Variants in PINX1 observed in about 807,000 individuals in gnomAD.
PINX1 encodes the protein PIN2/TERF1-interacting telomerase inhibitor 1.
Under a neutral mutation model 25.4 loss-of-function variants are expected in PINX1, and 34 were observed. The ratio of observed to expected loss-of-function variants is 1.34; its 90% confidence interval spans 1.02 to 1.78. The LOEUF is 1.78. PINX1 is among the 40% of genes most tolerant of loss of function. The pLI is 0.00. For synonymous variants in PINX1, 197 were observed against 147.7 expected (o/e 1.33, Z -2.42); for missense variants, 592 against 404.9 (o/e 1.46, Z -3.97).
At chr8:10,782,039 C>A (rs563868393) in intron 6 of PINX1, among the ~76,000 whole-genome samples, 1 of 151,608 alleles carries the variant, frequency 6.6e-6, no homozygotes, top group East Asian at 1.9e-4. Context: ...CCATTTGCCA[C>A]GACATGGATG....
intron 6 of PINX1, among the ~76,000 whole-genome samples, chr8:10,799,737 C>T (rs1802206560): frequency 6.6e-6 from 1 of 152,140 alleles, no homozygotes. Context: ...GACACAGGGC[C>T]ATTAGGTAAG....
At chr8:10,816,994 T>A (rs983806995) in intron 6 of PINX1, among the ~76,000 whole-genome samples, 2 of 152,190 alleles carry the variant, frequency 1.3e-5, no homozygotes, top group Non-Finnish European at 2.9e-5. Flanking sequence ...ACACAGGTGC[T>A]TAATAAAATT....
chr8:10,767,179 T>C (rs1421696130), intron 6 of PINX1, among the ~76,000 whole-genome samples: 2 of 152,210 alleles, frequency 1.3e-5, no homozygotes, highest in Non-Finnish European at 2.9e-5. Flanking sequence ...ATTCTACTAA[T>C]GATCCTAAAC....
chr8:10,784,755 C>G (rs1445535700), intron 6 of PINX1, among the ~76,000 whole-genome samples: 2 of 152,194 alleles, frequency 1.3e-5, no homozygotes, highest in African/African-American at 4.8e-5. Context: ...GGAGCCTGGA[C>G]TAAAGTTAGG....
At chr8:10,769,308 A>G (rs1364208348) in intron 6 of PINX1, among the ~76,000 whole-genome samples, 1 of 152,220 alleles carries the variant, frequency 6.6e-6, no homozygotes, top group Admixed American at 6.5e-5. Flanking sequence ...GGACTGGCCT[A>G]GTCTGTTCAC....
chr8:10,773,497 T>C (rs1801294378), intron 6 of PINX1, among the ~76,000 whole-genome samples: 1 of 152,130 alleles, frequency 6.6e-6, no homozygotes, highest in Non-Finnish European at 1.5e-5. Flanking sequence ...AGAACTCCGC[T>C]TGGAAGTTAC....
intron 5 of PINX1, 124 bp from the exon 6 acceptor site, chr8:10,820,393 T>C (rs529170108): frequency 1.4e-5 from 10 of 714,246 alleles, no homozygotes; most frequent in African/African-American, 1.2e-4. Context: ...ATTTTGAAAC[T>C]ACTGACTTTC....
At chr8:10,825,528 A>C in intron 5 of PINX1, 1 of 523,242 alleles carries the variant, frequency 1.9e-6, no homozygotes, top group Admixed American at 2.0e-5. Context: ...GGCTGAAGAC[A>C]ACAACCGCAT....
intron 6 of PINX1, among the ~76,000 whole-genome samples, chr8:10,815,174 T>G (rs1223365831): frequency 3.3e-5 from 5 of 152,154 alleles, no homozygotes; most frequent in African/African-American, 7.2e-5. Context: ...ACTCCTGAGC[T>G]CAGGCAATCC....
intron 6 of PINX1, among the ~76,000 whole-genome samples, chr8:10,785,570 A>C (rs1801722011): frequency 6.6e-6 from 1 of 152,258 alleles, no homozygotes; most frequent in Admixed American, 6.5e-5. Context: ...AATTACAATT[A>C]GTTCTTATTA....
At chr8:10,779,145 C>A (rs1344653742) in intron 6 of PINX1, among the ~76,000 whole-genome samples, 3 of 152,296 alleles carry the variant, frequency 2.0e-5, no homozygotes. Flanking sequence ...TTAAGACTGC[C>A]TACAATCTAG....
At chr8:10,775,731 G>C (rs1801371379) in intron 6 of PINX1, among the ~76,000 whole-genome samples, 1 of 152,190 alleles carries the variant, frequency 6.6e-6, no homozygotes, top group South Asian at 2.1e-4. Context: ...CAGAAGATTG[G>C]AAGCACAACT....
At chr8:10,834,639 A>AT (rs747342200) in intron 2 of PINX1, 27 bp downstream of exon 2, 3 of 1,609,326 alleles carry the variant, frequency 1.9e-6, no homozygotes, top group Admixed American at 1.7e-5. Context: ...CATAGCTCAG[A>AT]TTTTTTTCCG....
At chr8:10,782,683 C>G (rs918654449) in intron 6 of PINX1, among the ~76,000 whole-genome samples, 2 of 152,102 alleles carry the variant, frequency 1.3e-5, no homozygotes, top group African/African-American at 4.8e-5. Flanking sequence ...TTGCAGTGAG[C>G]CGAGATGGTG....
chr8:10,774,966 T>TA (rs895281233), intron 6 of PINX1, among the ~76,000 whole-genome samples: 4 of 151,308 alleles, frequency 2.6e-5, no homozygotes, highest in South Asian at 2.1e-4. Context: ...CTTATCACAA[T>TA]AAAAAAAAGG....
intron 1 of PINX1, among the ~76,000 whole-genome samples, 182 bp downstream of exon 1, chr8:10,839,556 C>T (rs2129092551): frequency 6.6e-6 from 1 of 152,324 alleles, no homozygotes; most frequent in South Asian, 2.1e-4. Context: ...AGACCTGCGG[C>T]CAACTTTCGG....
At chr8:10,779,513 G>A (rs775043535) in intron 6 of PINX1, among the ~76,000 whole-genome samples, 5 of 152,056 alleles carry the variant, frequency 3.3e-5, no homozygotes, top group African/African-American at 7.2e-5. Context: ...AAAAAGAACT[G>A]CCACACACCC....
In PINX1 at chr8:10,768,741, C is replaced by A. The variant is rs143778162; in HGVS notation, c.472-2825G>T. 4.6e-5 allele frequency among the ~76,000 whole-genome samples: 7 copies of A among 152,294 alleles called. No individual in the cohort carries two copies. The East Asian group carries it at 1.2e-3, about 25-fold the overall frequency. ...AATCTGACTCCTGCAGGAGCAATGGCCAGGACTCATCTTTTATACACCAAA... is the reference window on the plus strand; with the variant it reads ...AATCTGACTCCTGCAGGAGCAATGGACAGGACTCATCTTTTATACACCAAA... On this transcript the variant is annotated intron_variant, in intron 6 of 6. Coordinates refer to ENST00000314787, the MANE Select transcript of PINX1 (RefSeq NM_017884.6).
intron 6 of PINX1, among the ~76,000 whole-genome samples, chr8:10,794,079 G>C (rs1367707573): frequency 6.6e-6 from 1 of 152,166 alleles, no homozygotes; most frequent in Non-Finnish European, 1.5e-5. Flanking sequence ...GGACTTGCTA[G>C]TTGCTAAGCA....
Sources: allele counts gnomAD v4.1 joint callset (sites outside exome capture counted in the v4.1 genomes callset), GRCh38; gene constraint gnomAD v4.1.1; transcripts MANE v1.5; gene names NCBI Gene and HGNC (gene_info 2026-07-23, HGNC 2026-07-21).